Variants in CTNND2 observed in about 807,000 individuals in gnomAD.
CTNND2 encodes the protein catenin delta 2.
A neutral mutation model predicts 144.4 loss-of-function variants in CTNND2; 22 were observed. The ratio of observed to expected loss-of-function variants is 0.15; its 90% confidence interval spans 0.11 to 0.22. The LOEUF is 0.22. Ranked by LOEUF, CTNND2 falls within the 10% of genes least tolerant of loss-of-function variation. The probability of loss-of-function intolerance (pLI) is 1.00; values close to 1 mark genes in which losing one functional copy is unlikely to be tolerated. For synonymous variants in CTNND2, 751 were observed against 695.6 expected (o/e 1.08, Z -1.25); for missense variants, 1,353 against 1,618.8 (o/e 0.84, Z 2.82).
chr5:11,678,256 T>G (rs1435285257), intron 2 of CTNND2, among the ~76,000 whole-genome samples: 1 of 152,144 alleles, frequency 6.6e-6, no homozygotes, highest in African/African-American at 2.4e-5. Flanking sequence ...CTGATAGAAA[T>G]GTGTACTTAT....
chr5:11,862,366 T>G (rs1187068728), intron 1 of CTNND2, among the ~76,000 whole-genome samples: 1 of 152,194 alleles, frequency 6.6e-6, no homozygotes, highest in Admixed American at 6.5e-5. Flanking sequence ...TGGTCAAATT[T>G]TGGGACGGTT....
intron 3 of CTNND2, among the ~76,000 whole-genome samples, chr5:11,520,476 A>G (rs768786025): frequency 2.6e-5 from 4 of 152,248 alleles, no homozygotes; most frequent in African/African-American, 4.8e-5. Context: ...TCATGGGGGC[A>G]GAGTGAGGTG....
At chr5:11,631,869 G>T (rs1183824926) in intron 2 of CTNND2, among the ~76,000 whole-genome samples, 1 of 152,110 alleles carries the variant, frequency 6.6e-6, no homozygotes, top group Non-Finnish European at 1.5e-5. Context: ...GAGCAAGAGT[G>T]CCAATCCAAA....
intron 9 of CTNND2, among the ~76,000 whole-genome samples, chr5:11,314,722 C>T (rs1751325406): frequency 6.6e-6 from 1 of 152,132 alleles, no homozygotes; most frequent in African/African-American, 2.4e-5. Flanking sequence ...TTTGGCTAAC[C>T]ATTTAAAAAT....
chr5:11,021,674 A>G (rs1329419378), intron 17 of CTNND2, among the ~76,000 whole-genome samples: 1 of 152,190 alleles, frequency 6.6e-6, no homozygotes, highest in Non-Finnish European at 1.5e-5. Flanking sequence ...CTTAAACAGA[A>G]ACTCCGAATC....
intron 2 of CTNND2, among the ~76,000 whole-genome samples, chr5:11,690,705 C>T (rs976906461): frequency 3.0e-5 from 4 of 133,732 alleles, no homozygotes; most frequent in Non-Finnish European, 4.6e-5. Context: ...CACTGCAGTC[C>T]GCAGTCTGGC....
Position 11,344,255 on chromosome 5 carries a change from G to A in CTNND2, c.1628+2117C>T, listed in dbSNP as rs1055850537. ...AAAATACAAAAAATTAGCCGGGCGC[G>A]GTGGCGGGCGCCTGTAGTCCCAGCT... On this transcript the variant is annotated intron_variant, in intron 9 of 21. Transcript: ENST00000304623. Among the ~76,000 whole-genome samples the A allele has an allele frequency of 1.8e-4, 27 of 152,260 alleles. 1 individual carries two copies. Among genetic ancestry groups the A allele is most frequent in the African/African-American group, 4.8e-4 (20 of 41,556 alleles).
At chr5:11,427,390 G>A (rs1263932768) in intron 3 of CTNND2, among the ~76,000 whole-genome samples, 1 of 147,656 alleles carries the variant, frequency 6.8e-6, no homozygotes, top group Non-Finnish European at 1.5e-5. Context: ...TGATTTTCCT[G>A]CCTTAGCCTC....
At chr5:11,016,631 G>A (rs72729251) in intron 18 of CTNND2, among the ~76,000 whole-genome samples, 1 of 152,130 alleles carries the variant, frequency 6.6e-6, no homozygotes, top group Non-Finnish European at 1.5e-5. Flanking sequence ...AGTGGCCAGG[G>A]GGCTGCAGGT....
intron 1 of CTNND2, among the ~76,000 whole-genome samples, chr5:11,735,399 G>A (rs1053223666): frequency 2.0e-5 from 3 of 151,066 alleles, no homozygotes; most frequent in Admixed American, 2.0e-4. Flanking sequence ...TGAAAGAGCA[G>A]AAAGTAAGAA....
At chr5:11,250,543 G>A (rs1743518437) in intron 9 of CTNND2, among the ~76,000 whole-genome samples, 2 of 130,716 alleles carry the variant, frequency 1.5e-5, no homozygotes, top group African/African-American at 3.1e-5. Context: ...TTAGAGACAG[G>A]GTCTTGCTCT....
At chr5:11,830,261 G>C (rs902407929) in intron 1 of CTNND2, among the ~76,000 whole-genome samples, 3 of 152,182 alleles carry the variant, frequency 2.0e-5, no homozygotes, top group African/African-American at 7.2e-5. Context: ...GGGAAGGCAT[G>C]ATTAGTTTTG....
intron 2 of CTNND2, among the ~76,000 whole-genome samples, chr5:11,682,361 C>A (rs1453658508): frequency 6.6e-6 from 1 of 152,176 alleles, no homozygotes; most frequent in Non-Finnish European, 1.5e-5. Context: ...AGCTTAACAT[C>A]CAATATTCCA....
At chr5:11,414,328 T>C (rs936417861) in intron 3 of CTNND2, among the ~76,000 whole-genome samples, 2 of 152,194 alleles carry the variant, frequency 1.3e-5, no homozygotes, top group African/African-American at 4.8e-5. Flanking sequence ...TAATTTGTTA[T>C]GACAGCGCCA....
At chr5:11,069,879 G>A (rs1748061263) in intron 16 of CTNND2, among the ~76,000 whole-genome samples, 1 of 152,184 alleles carries the variant, frequency 6.6e-6, no homozygotes, top group Non-Finnish European at 1.5e-5. Flanking sequence ...GTGGTAAACT[G>A]AATTTAACTG....
intron 1 of CTNND2, among the ~76,000 whole-genome samples, chr5:11,796,455 T>C (rs1330289760): frequency 1.3e-5 from 2 of 152,228 alleles, no homozygotes; most frequent in East Asian, 3.8e-4. Flanking sequence ...AGGCTTTCAT[T>C]TGCAGTAATA....
intron 3 of CTNND2, among the ~76,000 whole-genome samples, chr5:11,450,313 T>C (rs1765190926): frequency 6.6e-6 from 1 of 152,204 alleles, no homozygotes; most frequent in South Asian, 2.1e-4. Context: ...ACCATAAAAA[T>C]TCCCAGGACT....
chr5:11,221,784 C>G (rs1739821653), intron 10 of CTNND2, among the ~76,000 whole-genome samples: 1 of 152,124 alleles, frequency 6.6e-6, no homozygotes, highest in Non-Finnish European at 1.5e-5. Flanking sequence ...GAGATTTTTA[C>G]TTGGAAACAA....
At chr5:11,728,047 C>T (rs1217437474) in intron 2 of CTNND2, among the ~76,000 whole-genome samples, 1 of 152,172 alleles carries the variant, frequency 6.6e-6, no homozygotes, top group Non-Finnish European at 1.5e-5. Context: ...GGCATGCTAT[C>T]CTCACAAGAG....
Sources: gnomAD v4.1 joint callset for allele counts (sites outside exome capture counted in the v4.1 genomes callset) on GRCh38, gnomAD v4.1.1 for gene constraint, MANE v1.5 for transcripts, NCBI Gene and HGNC (gene_info 2026-07-23, HGNC 2026-07-21) for gene names.